Variants in DGKB observed in about 807,000 individuals in gnomAD.
The protein encoded by DGKB is diacylglycerol kinase beta.
DGKB carries 67 observed loss-of-function variants against 114.3 expected under a neutral mutation model. That is an observed-to-expected ratio of 0.59 (90% confidence interval 0.48 to 0.72). The LOEUF is 0.72. Among genes scored for constraint, DGKB ranks in the 30% least tolerant of loss-of-function variants. DGKB has a pLI of 0.00. For missense variants in DGKB, 907 were observed against 975.2 expected (o/e 0.93, Z 0.93); for synonymous variants, 398 against 323.1 (o/e 1.23, Z -2.49).
At chr7:14,301,126 G>A (rs1448178698) in intron 23 of DGKB, among the ~76,000 whole-genome samples, 6 of 152,008 alleles carry the variant, frequency 3.9e-5, no homozygotes, top group African/African-American at 1.4e-4. Context: ...AAGTTTATCT[G>A]TTTGCAGTCT....
At chr7:14,648,474 C>T (rs931559474) in intron 13 of DGKB, among the ~76,000 whole-genome samples, 58 of 150,794 alleles carry the variant, frequency 3.8e-4, no homozygotes, top group Non-Finnish European at 6.9e-4. Flanking sequence ...GAAAGGACAT[C>T]CACACCAAAA....
chr7:14,645,112 G>A (rs1416217333), intron 13 of DGKB, among the ~76,000 whole-genome samples: 1 of 151,892 alleles, frequency 6.6e-6, no homozygotes, highest in Non-Finnish European at 1.5e-5. Context: ...TTTTTTTCAA[G>A]ACCAACCATG....
chr7:14,231,095 CTTTCTTTCTTTCTTTCTTT>C (rs1399297625), intron 23 of DGKB, among the ~76,000 whole-genome samples: 2 of 102,234 alleles, frequency 2.0e-5, no homozygotes, highest in Non-Finnish European at 4.0e-5. Flanking sequence ...TTCTTTCTTT[CTTTCTTTCTTTCTTTCTTT>C]CTTTCTTTCT....
At chr7:14,440,740 G>A (rs140486360) in intron 21 of DGKB, among the ~76,000 whole-genome samples, 6 of 152,198 alleles carry the variant, frequency 3.9e-5, no homozygotes, top group African/African-American at 1.4e-4. Context: ...ACATACCTAC[G>A]AAGGAAATTG....
At chr7:14,945,991 GTAAT>G (rs1305924753) in intron 1 of DGKB, among the ~76,000 whole-genome samples, 2 of 151,338 alleles carry the variant, frequency 1.3e-5, no homozygotes, top group Admixed American at 6.6e-5. Context: ...GAGATGCTGC[GTAAT>G]TAAATATTTT....
intron 1 of DGKB, among the ~76,000 whole-genome samples, chr7:14,860,295 A>C (rs973449616): frequency 7.9e-5 from 12 of 152,114 alleles, no homozygotes; most frequent in African/African-American, 2.9e-4. Flanking sequence ...GCATTTTCTT[A>C]CAAAAATTTA....
chr7:14,782,157 T>G (rs1401194257), intron 2 of DGKB, among the ~76,000 whole-genome samples: 2 of 152,098 alleles, frequency 1.3e-5, no homozygotes, highest in African/African-American at 4.8e-5. Flanking sequence ...CCTGACTAAC[T>G]GGGACTATAG....
chr7:14,966,758 T>C (rs982768254), intron 1 of DGKB, among the ~76,000 whole-genome samples: 1 of 152,150 alleles, frequency 6.6e-6, no homozygotes. Context: ...TAATTTTCTT[T>C]CCTTTTTTTG....
chr7:14,719,200 A>G (rs1828740533), intron 5 of DGKB, among the ~76,000 whole-genome samples: 1 of 152,202 alleles, frequency 6.6e-6, no homozygotes, highest in Non-Finnish European at 1.5e-5. Flanking sequence ...CTTTTTTACC[A>G]TCAAGGGACT....
At chr7:14,683,695 C>T (rs984061529) in intron 10 of DGKB, among the ~76,000 whole-genome samples, 1 of 151,820 alleles carries the variant, frequency 6.6e-6, no homozygotes, top group Non-Finnish European at 1.5e-5. Flanking sequence ...TCAATAAAAA[C>T]AAAAGCAAAA....
At chr7:14,340,181 T>TC (rs1357947422) in intron 22 of DGKB, among the ~76,000 whole-genome samples, 5 of 121,770 alleles carry the variant, frequency 4.1e-5, no homozygotes, top group African/African-American at 1.3e-4. Flanking sequence ...TTTTTTTTTT[T>TC]CCAGAAAGCA....
chr7:14,362,615 T>A (rs1217210895), intron 21 of DGKB, among the ~76,000 whole-genome samples: 3 of 150,356 alleles, frequency 2.0e-5, no homozygotes, highest in African/African-American at 2.5e-5. Flanking sequence ...TCTCTCCACC[T>A]CTTCTCATTC....
chr7:14,660,465 G>C (rs551796950), intron 13 of DGKB, among the ~76,000 whole-genome samples: 2 of 151,970 alleles, frequency 1.3e-5, no homozygotes, highest in Non-Finnish European at 2.9e-5. Context: ...TATGTGTCGA[G>C]GAATTTATCC....
chr7:14,692,822 T>C (rs1181272772), intron 9 of DGKB, among the ~76,000 whole-genome samples: 4 of 151,978 alleles, frequency 2.6e-5, no homozygotes, highest in East Asian at 1.9e-4. Context: ...AAGCTTCAAC[T>C]GAGTTTAGAA....
chr7:14,169,126 G>A (rs1414545362), intron 25 of DGKB, among the ~76,000 whole-genome samples: 1 of 151,590 alleles, frequency 6.6e-6, no homozygotes, highest in Non-Finnish European at 1.5e-5. Context: ...TTGGGAGGCC[G>A]AGGCTTGTGG....
intron 6 of DGKB, among the ~76,000 whole-genome samples, chr7:14,711,999 T>C (rs1827434703): frequency 1.3e-5 from 2 of 152,126 alleles, no homozygotes; most frequent in Admixed American, 6.6e-5. Context: ...TCAACACAAG[T>C]AGTTTGGAAG....
At chr7:14,188,351 G>C (rs1431547848) in intron 23 of DGKB, among the ~76,000 whole-genome samples, 1 of 152,146 alleles carries the variant, frequency 6.6e-6, no homozygotes, top group South Asian at 2.1e-4. Context: ...TGAACATCCA[G>C]ATTGAGGAAG....
intron 20 of DGKB, among the ~76,000 whole-genome samples, chr7:14,565,362 G>C (rs963775867): frequency 6.6e-6 from 1 of 152,142 alleles, no homozygotes; most frequent in African/African-American, 2.4e-5. Flanking sequence ...CCACCCAGTT[G>C]ACACACAGAC....
chr7:14,528,142 A>G (rs1232276755), intron 20 of DGKB, among the ~76,000 whole-genome samples: 3 of 152,114 alleles, frequency 2.0e-5, no homozygotes, highest in Non-Finnish European at 2.9e-5. Context: ...TTTTATACAT[A>G]TTTTGTATTC....
Sources: allele counts gnomAD v4.1 joint callset (sites outside exome capture counted in the v4.1 genomes callset), GRCh38; gene constraint gnomAD v4.1.1; transcripts MANE v1.5; gene names NCBI Gene and HGNC (gene_info 2026-07-23, HGNC 2026-07-21).